Variants in MORN5 observed in about 807,000 individuals in gnomAD.
MORN5 encodes MORN repeat-containing protein 5.
Under a neutral mutation model 22.1 loss-of-function variants are expected in MORN5, and 21 were observed. The observed-to-expected ratio is 0.95, with a 90% CI of 0.67 to 1.37. The LOEUF is 1.37. Ranked by LOEUF, MORN5 falls within the 40% of genes most tolerant of loss-of-function variation. MORN5 has a pLI of 0.00. For missense variants in MORN5, 211 were observed against 215.1 expected (o/e 0.98, Z 0.12); for synonymous variants, 73 against 74.0 (o/e 0.99, Z 0.07).
chr9:122,160,645 C>T (rs1032929329), intron 1 of MORN5, among the ~76,000 whole-genome samples: 3 of 151,390 alleles, frequency 2.0e-5, no homozygotes, highest in African/African-American at 7.3e-5. Flanking sequence ...GACAAGATCT[C>T]GCTCTGTTGC....
intron 4 of MORN5, among the ~76,000 whole-genome samples, chr9:122,198,735 G>A (rs1473599202): frequency 6.6e-6 from 1 of 152,128 alleles, no homozygotes; most frequent in African/African-American, 2.4e-5. Context: ...GGGAGTTGCA[G>A]GCAACCTCCG....
intron 4 of MORN5, among the ~76,000 whole-genome samples, chr9:122,198,388 C>G (rs935180918): frequency 6.6e-6 from 1 of 152,144 alleles, no homozygotes; most frequent in Non-Finnish European, 1.5e-5. Flanking sequence ...GTGGACACAC[C>G]CATCCTCCCA....
chr9:122,192,554 G>C (rs1829795262), intron 4 of MORN5, among the ~76,000 whole-genome samples: 1 of 152,180 alleles, frequency 6.6e-6, no homozygotes, highest in African/African-American at 2.4e-5. Flanking sequence ...TGACCTGCAG[G>C]CTGCACTAAT....
At chr9:122,181,042 A>C (rs1364483475) in intron 4 of MORN5, among the ~76,000 whole-genome samples, 2 of 152,252 alleles carry the variant, frequency 1.3e-5, no homozygotes, top group Non-Finnish European at 2.9e-5. Flanking sequence ...CATGATAGAC[A>C]ACTTATGATT....
chr9:122,191,629 C>G (rs376646929), intron 4 of MORN5, among the ~76,000 whole-genome samples: 2 of 152,370 alleles, frequency 1.3e-5, no homozygotes. Context: ...AGCCCCCTCA[C>G]TCACACAGGA....
chr9:122,166,280 T>TTATATATATATATATATATATA (rs145965768), intron 1 of MORN5, among the ~76,000 whole-genome samples: 2 of 149,654 alleles, frequency 1.3e-5, no homozygotes, highest in African/African-American at 5.0e-5. Flanking sequence ...GTATCCAAGA[T>TTATATATATATATATATATATA]TATATATATA....
rs938997436 is a variant in MORN5, at chr9:122,180,282, C to CTTTTTT, written c.439+5671_439+5676dup. On this transcript the variant is annotated intron_variant, in intron 4 of 4. Transcript: ENST00000373764. ...ATGCAACAATCTATGACATTTTCTT[C>CTTTTTT]TTTTTTTTTTTTTTTTTTTTTGAGA... Among the ~76,000 whole-genome samples the CTTTTTT allele has an allele frequency of 2.0e-4, 21 of 107,512 alleles. 1 individual carries two copies. Among genetic ancestry groups the CTTTTTT allele is most frequent in the African/African-American group, 4.7e-4 (13 of 27,708 alleles). 70.5% of individuals were successfully genotyped at this position (107,512 alleles called of 152,430 possible). A position where few individuals can be genotyped will look rare whatever the true frequency, so the allele number is the denominator to read the frequency against.
intron 4 of MORN5, among the ~76,000 whole-genome samples, chr9:122,177,678 C>G (rs1829474125): frequency 6.6e-6 from 1 of 152,214 alleles, no homozygotes; most frequent in African/African-American, 2.4e-5. Context: ...GGTGATCCAT[C>G]CACCTCGGCC....
At chr9:122,186,209 G>T (rs1023507331) in intron 4 of MORN5, among the ~76,000 whole-genome samples, 3 of 152,158 alleles carry the variant, frequency 2.0e-5, no homozygotes, top group Non-Finnish European at 4.4e-5. Context: ...CCACATCCCA[G>T]TTCTTTGAGG....
intron 4 of MORN5, 126 bp from the exon 5 acceptor site, chr9:122,199,759 A>C (rs759656143): frequency 2.4e-6 from 2 of 845,996 alleles, no homozygotes; most frequent in Non-Finnish European, 4.0e-6. Context: ...TCCTCCCCAC[A>C]CAAAACTACA....
chr9:122,166,617 A>G (rs537950068), intron 1 of MORN5, 151 bp from the exon 2 acceptor site: 1 of 682,284 alleles, frequency 1.5e-6, no homozygotes, highest in Non-Finnish European at 2.4e-6. Flanking sequence ...CTTTTGAGGG[A>G]AACAAAACAA....
rs561174661 is a variant in MORN5, at chr9:122,195,902, G to T, written c.440-3983G>T. 4.6e-5 allele frequency among the ~76,000 whole-genome samples: 7 copies of T among 152,134 alleles called. No individual in the cohort carries two copies. In the South Asian group the frequency reaches 1.5e-3, roughly 32 times the overall value. ...ATTTTTACCAGTATCTTTATGCAAGGTCTTTTTGCTTTTCAGGAGTTCAAG... is the reference window on the plus strand; with the variant it reads ...ATTTTTACCAGTATCTTTATGCAAGTTCTTTTTGCTTTTCAGGAGTTCAAG... On this transcript the variant is annotated intron_variant, in intron 4 of 4. Transcript: ENST00000373764.
intron 4 of MORN5, among the ~76,000 whole-genome samples, chr9:122,179,120 A>G (rs1315845932): frequency 6.6e-6 from 1 of 152,216 alleles, no homozygotes; most frequent in African/African-American, 2.4e-5. Flanking sequence ...TGTTAAAGGC[A>G]GAGGGGACAG....
At chr9:122,198,456 C>G (rs1564426231) in intron 4 of MORN5, among the ~76,000 whole-genome samples, 1 of 152,166 alleles carries the variant, frequency 6.6e-6, no homozygotes, top group Non-Finnish European at 1.5e-5. Context: ...GCAAGAACTC[C>G]TCCAGTACTC....
intron 4 of MORN5, among the ~76,000 whole-genome samples, chr9:122,191,592 T>A (rs1241205000): frequency 6.6e-6 from 1 of 152,134 alleles, no homozygotes; most frequent in Non-Finnish European, 1.5e-5. Context: ...TTCATCTTGG[T>A]CTCTTCCCTT....
Position 122,200,032 on chromosome 9 carries a change from C to T in MORN5, c.*101C>T, listed in dbSNP as rs1829982026. ...AGCATTGGCTGCCCTGGGGGACGGG[C>T]TGTAGTTCTAGAACCTGATTTTAAC... On this transcript the variant is annotated 3_prime_UTR_variant, in exon 5 of 5. Transcript: ENST00000373764. 3 of 1,172,878 alleles carry T rather than the reference C, an allele frequency of 2.6e-6. 1 individual carries two copies. Among genetic ancestry groups the T allele is most frequent in the Middle Eastern group, 3.8e-4 (2 of 5,196 alleles). 72.7% of individuals were successfully genotyped at this position (1,172,878 alleles called of 1,614,324 possible).
chr9:122,194,113 G>A (rs1829836243), intron 4 of MORN5, among the ~76,000 whole-genome samples: 1 of 152,188 alleles, frequency 6.6e-6, no homozygotes, highest in South Asian at 2.1e-4. Context: ...TTCAGAACCG[G>A]AATAAAGACA....
chr9:122,176,122 A>AG (rs1047496004), intron 4 of MORN5, among the ~76,000 whole-genome samples: 2 of 151,378 alleles, frequency 1.3e-5, no homozygotes, highest in Non-Finnish European at 3.0e-5. Context: ...CGTCTCAAAA[A>AG]AAAAAAAAAA....
At chr9:122,173,663 A>C (rs765809488) in intron 3 of MORN5, among the ~76,000 whole-genome samples, 2 of 152,162 alleles carry the variant, frequency 1.3e-5, no homozygotes, top group Non-Finnish European at 2.9e-5. Context: ...TGGCGTTTCA[A>C]GATACACATA....
Sources: gnomAD v4.1 joint callset for allele counts (sites outside exome capture counted in the v4.1 genomes callset) on GRCh38, gnomAD v4.1.1 for gene constraint, MANE v1.5 for transcripts, NCBI Gene and HGNC (gene_info 2026-07-23, HGNC 2026-07-21) for gene names.